The following FBLN7 variants were observed in gnomAD, a reference collection of about 807,000 sequenced individuals.
FBLN7 encodes fibulin 7.
In FBLN7, 31 loss-of-function variants were observed where a neutral mutation model predicts 44.0. That is an observed-to-expected ratio of 0.70 (90% CI 0.53 to 0.95). FBLN7 has a LOEUF of 0.95. Ranked by LOEUF, FBLN7 falls within the 40% of genes least tolerant of loss-of-function variation. The probability of loss-of-function intolerance (pLI) is 0.00; values close to 1 mark genes in which losing one functional copy is unlikely to be tolerated. For missense variants in FBLN7, 573 were observed against 618.5 expected, an observed-to-expected ratio of 0.93 and a Z score of 0.78; for synonymous variants, 262 against 253.4, an observed-to-expected ratio of 1.03 and a Z score of -0.32.
At chr2:112,193,456 G>A in the FBLN7 span, among the ~76,000 whole-genome samples, 1 of 151,902 alleles carries the variant, frequency 6.6e-6, no homozygotes, top group African/African-American at 2.4e-5. Context: ...AACCAGAAAT[G>A]GCATAGTATA....
At position 112,168,509 on chromosome 2, in the gene FBLN7, C is replaced by T. The variant is rs575602136; in HGVS notation, c.406+3338C>T. Among the ~76,000 whole-genome samples, 35 of 152,312 alleles carry T rather than the reference C, an allele frequency of 2.3e-4. 1 individual carries two copies. The highest frequency in any genetic ancestry group is 6.5e-4 in the Admixed American group (10 of 15,296). On this transcript the variant is annotated intron_variant, in intron 3 of 7. Transcript: ENST00000331203. ...CTAAGTGAGTAGACTCTGCCTGCAC[C>T]GACACTTCTGTTCTCAGCAGGAATT...
At chr2:112,202,091 T>C in the FBLN7 span, among the ~76,000 whole-genome samples, 5,505 of 152,336 alleles carry the variant, frequency 0.036, 139 homozygotes, top group African/African-American at 0.057. Flanking sequence ...TTAAGACTTA[T>C]GGGAATGGTA....
At chr2:112,178,492 A>G (rs1165078892) in intron 4 of FBLN7, among the ~76,000 whole-genome samples, 1 of 152,186 alleles carries the variant, frequency 6.6e-6, no homozygotes, top group Admixed American at 6.5e-5. Flanking sequence ...CCTCTCCCCA[A>G]CTTATTCGAT....
the FBLN7 span, among the ~76,000 whole-genome samples, chr2:112,219,702 T>C: frequency 6.6e-6 from 1 of 152,076 alleles, no homozygotes; most frequent in Non-Finnish European, 1.5e-5. Context: ...GTATGGTCAA[T>C]TTTAGAGTAT....
At chr2:112,210,163 G>C in the FBLN7 span, among the ~76,000 whole-genome samples, 1 of 151,970 alleles carries the variant, frequency 6.6e-6, no homozygotes, top group East Asian at 1.9e-4. Context: ...CTTTACATGA[G>C]GTGGAGAATG....
In FBLN7 at chr2:112,187,482, C is replaced by T; in HGVS notation, c.1296C>T (p.Ile432=). 1 of 1,614,186 alleles carries T rather than the reference C, an allele frequency of 6.2e-7. No individual in the cohort carries two copies. The highest frequency in any genetic ancestry group is 8.5e-7 in the Non-Finnish European group (1 of 1,180,040). Residue 432 remains isoleucine, a synonymous_variant, in exon 8 of 8, where the codon ATC becomes ATT. Coordinates refer to ENST00000331203, the MANE Select transcript of FBLN7 (RefSeq NM_153214.3). This position sits in a 1 kb window ranked among gnomAD's most constrained non-coding sequence, Gnocchi z 5.1. ...CCAACCACGTGTCCAAGGTCACCAT[C>T]TTTGTATCCCCCTATGACTTCTGAG... ...FQANHVSKVT[I]FVSPYDF
chr2:112,175,711 T>C lies in FBLN7; in HGVS notation c.407-3T>C. ...TATATTTGAAAATTATTTATCTTCCTAGGTATCAGTGAATGCTCCAGCCAG... is the reference window on the plus strand; with the variant it reads ...TATATTTGAAAATTATTTATCTTCCCAGGTATCAGTGAATGCTCCAGCCAG... On this transcript the variant is annotated splice_polypyrimidine_tract_variant and splice_region_variant and intron_variant, in intron 3 of 7. Transcript: ENST00000331203. 1.2e-6 allele frequency: 2 copies of C among 1,614,130 alleles called. No homozygotes were observed. The highest frequency in any genetic ancestry group is 1.6e-4 in the Middle Eastern group (1 of 6,062).
At position 112,187,023 on chromosome 2, in the gene FBLN7, GA is replaced by G; in HGVS notation, c.948-108del. The stretch of plus-strand genomic sequence containing the variant: ...TCCTGGGTGAAGGACCCGTGGCTGG[GA>G]AAGGTCATCTAGGTGGCCTCTGCAA... On this transcript the variant is annotated intron_variant, in intron 7 of 7. Transcript: ENST00000331203. This position sits in a 1 kb window ranked among gnomAD's most constrained non-coding sequence, Gnocchi z 5.1. 4 of 1,367,880 alleles carry G rather than the reference GA, an allele frequency of 2.9e-6. No individual in the cohort carries two copies. The African/African-American group carries it at 5.8e-5, about 20-fold the overall frequency. 84.7% of individuals were successfully genotyped at this position (1,367,880 alleles called of 1,614,324 possible).
rs188865221 is a variant in FBLN7, at chr2:112,163,853, C to T, written c.236-1148C>T. On this transcript the variant is annotated intron_variant, in intron 2 of 7. Transcript: ENST00000331203. Reference sequence around the variant, plus strand: ...ACTCATGTCTAACTACTTTCCACCTCGTCCACTCTATTCCAGTCCTGTTGC... The same window carrying T: ...ACTCATGTCTAACTACTTTCCACCTTGTCCACTCTATTCCAGTCCTGTTGC... 2.4e-4 allele frequency among the ~76,000 whole-genome samples: 36 copies of T among 152,324 alleles called. No individual in the cohort carries two copies. The East Asian group carries it at 6.9e-3, about 29-fold the overall frequency.
At position 112,175,809 on chromosome 2, in the gene FBLN7, G is replaced by A; in HGVS notation, c.502G>A (p.Gly168Arg). The change falls in exon 4 of 8, where the codon GGG becomes AGG. Residue 168 changes from glycine to arginine, a missense_variant. Transcript: ENST00000331203. ...YRCICPPGRTGNRCQHQAQTA... is the reference protein window; with the variant it reads ...YRCICPPGRTRNRCQHQAQTA... ...ATGCATTTGTCCTCCAGGAAGGACT[G>A]GGAACCGCTGTCAGCATCAGGCCCA... The A allele has an allele frequency of 6.2e-7, 1 of 1,614,168 alleles. No homozygotes were observed. Among genetic ancestry groups the A allele is most frequent in the Non-Finnish European group, 8.5e-7 (1 of 1,180,006 alleles).
At chr2:112,191,412 G>A (rs985031580), downstream of FBLN7, among the ~76,000 whole-genome samples, 3 of 152,182 alleles carry the variant, frequency 2.0e-5, no homozygotes, top group Admixed American at 6.5e-5. Context: ...CTGTCCTCAA[G>A]TGGTCTGCCC....
At chr2:112,160,212 G>A (rs557768494) in intron 2 of FBLN7, among the ~76,000 whole-genome samples, 1 of 151,822 alleles carries the variant, frequency 6.6e-6, no homozygotes, top group Non-Finnish European at 1.5e-5. Context: ...GGATGGTCTC[G>A]ATCTCCTGAC....
chr2:112,235,907 T>G, the FBLN7 span, among the ~76,000 whole-genome samples: 2 of 150,070 alleles, frequency 1.3e-5, no homozygotes, highest in African/African-American at 4.9e-5. Flanking sequence ...GGGCTTCCCA[T>G]TTTTCCCGAG....
At chr2:112,179,852 A>T (rs184107874) in intron 4 of FBLN7, among the ~76,000 whole-genome samples, 15 of 152,382 alleles carry the variant, frequency 9.8e-5, no homozygotes, top group Non-Finnish European at 2.1e-4. Flanking sequence ...AGATGGATTA[A>T]AGAGTTAGAT....
At chr2:112,233,264 C>A in the FBLN7 span, 3 of 1,562,436 alleles carry the variant, frequency 1.9e-6, no homozygotes, top group South Asian at 1.2e-5. Context: ...GGATATTATG[C>A]AAATACAGAC....
At chr2:112,178,257 C>CAAAAAAAAAAA (rs112844069) in intron 4 of FBLN7, among the ~76,000 whole-genome samples, 1 of 123,804 alleles carries the variant, frequency 8.1e-6, no homozygotes, top group Admixed American at 7.9e-5. Context: ...ACAAGAAATA[C>CAAAAAAAAAAA]AAAAAAAAAA....
chr2:112,165,169 G>A lies in FBLN7; in HGVS notation c.404G>A (p.Arg135Lys). The A allele has an allele frequency of 6.2e-7, 1 of 1,614,062 alleles. No individual in the cohort carries two copies. The change falls in exon 3 of 8, where the codon AGA (arginine) becomes AAA (lysine). Residue 135 changes from arginine (R) to lysine (K), a missense_variant and splice_region_variant. Physicochemically the swap from Arg to Lys is conservative, Grantham distance 26 (BLOSUM62 2). Transcript: ENST00000331203. Reference sequence around the variant, plus strand: ...TGGACAGGGGAGCAGCCCCACTGTAGAGGTATCGTCTCTCCTTCCCATCCC... The same window carrying A: ...TGGACAGGGGAGCAGCCCCACTGTAAAGGTATCGTCTCTCCTTCCCATCCC... Reference protein sequence around the residue: ...GTWTGEQPHCRGISECSSQPC... With the variant: ...GTWTGEQPHCKGISECSSQPC...
chr2:112,158,723 A>C (rs1159256847), intron 1 of FBLN7, among the ~76,000 whole-genome samples: 3 of 152,154 alleles, frequency 2.0e-5, no homozygotes, highest in African/African-American at 7.2e-5. Context: ...ACAGGCATGA[A>C]CCACCGAGCC....
At chr2:112,184,784 T>C (rs975798963) in intron 6 of FBLN7, among the ~76,000 whole-genome samples, 6 of 139,238 alleles carry the variant, frequency 4.3e-5, no homozygotes, top group African/African-American at 1.6e-4. Context: ...ATATATGGTG[T>C]GTGTATATAT....
Sources: allele counts gnomAD v4.1 joint callset (sites outside exome capture counted in the v4.1 genomes callset), GRCh38; gene constraint gnomAD v4.1.1; non-coding constraint Gnocchi (gnomAD v3.1); transcripts MANE v1.5; gene names NCBI Gene and HGNC (gene_info 2026-07-23, HGNC 2026-07-21).